RARB: variants seen among roughly 807,000 people sequenced by gnomAD.
The protein encoded by RARB is HBV-activated protein.
In RARB, 17 loss-of-function variants were observed where a neutral mutation model predicts 51.9. The ratio of observed to expected loss-of-function variants is 0.33; its 90% confidence interval spans 0.22 to 0.49. RARB has a LOEUF of 0.49. Among genes scored for constraint, RARB ranks in the 20% least tolerant of loss-of-function variants. The pLI is 0.99. For missense variants in RARB, 369 were observed against 550.8 expected (o/e 0.67, Z 3.30); for synonymous variants, 215 against 195.4 (o/e 1.10, Z -0.84).
chr3:25,077,475 C>T (rs1298966039), intron 3 of RARB, among the ~76,000 whole-genome samples: 1 of 152,070 alleles, frequency 6.6e-6, no homozygotes, highest in Non-Finnish European at 1.5e-5. Flanking sequence ...GTATCTATCG[C>T]AGTATAATAT....
chr3:24,838,902 C>T (rs965632486), intron 1 of RARB, among the ~76,000 whole-genome samples: 3 of 147,622 alleles, frequency 2.0e-5, no homozygotes, highest in Non-Finnish European at 4.4e-5. Flanking sequence ...TTATGTGACT[C>T]TGGAAATCTG....
At chr3:25,092,396 T>C (rs988759329) in intron 3 of RARB, among the ~76,000 whole-genome samples, 18 of 152,156 alleles carry the variant, frequency 1.2e-4, no homozygotes, top group African/African-American at 3.9e-4. Flanking sequence ...CCTCTTTCCA[T>C]ATAAAGTGTC....
intron 5 of RARB, among the ~76,000 whole-genome samples, chr3:25,409,762 C>G (rs972791213): frequency 6.6e-6 from 1 of 152,164 alleles, no homozygotes; most frequent in Non-Finnish European, 1.5e-5. Flanking sequence ...CTGAGCAACT[C>G]TCCACATTTC....
chr3:25,033,262 G>T (rs6809288), intron 2 of RARB, among the ~76,000 whole-genome samples: 2,885 of 152,288 alleles, frequency 0.019, 96 homozygotes, highest in African/African-American at 0.065. Flanking sequence ...TTACAAGCAA[G>T]TGGAGCAAAG....
chr3:25,112,937 CT>C (rs1699627256), intron 3 of RARB, among the ~76,000 whole-genome samples: 1 of 152,046 alleles, frequency 6.6e-6, no homozygotes. Flanking sequence ...TAAATTTTTT[CT>C]GAATTTTCGG....
chr3:25,507,910 G>A (rs1037246702), intron 3 of RARB, among the ~76,000 whole-genome samples: 1 of 152,142 alleles, frequency 6.6e-6, no homozygotes, highest in South Asian at 2.1e-4. Flanking sequence ...CCCTGTGTCT[G>A]TAACAGAAAC....
At chr3:25,374,251 C>CA (rs377297772) in intron 5 of RARB, among the ~76,000 whole-genome samples, 38 of 152,016 alleles carry the variant, frequency 2.5e-4, no homozygotes, top group Non-Finnish European at 4.3e-4. Context: ...CAGGAAAGAG[C>CA]AAAAAACAGA....
chr3:25,153,893 C>A (rs890143955), intron 4 of RARB, among the ~76,000 whole-genome samples: 5 of 152,158 alleles, frequency 3.3e-5, no homozygotes, highest in African/African-American at 1.2e-4. Context: ...TCAATGAGGG[C>A]CAATTAAAGA....
chr3:25,319,021 T>C (rs976868118), intron 5 of RARB, among the ~76,000 whole-genome samples: 1 of 152,196 alleles, frequency 6.6e-6, no homozygotes, highest in East Asian at 1.9e-4. Flanking sequence ...AGACGTAATT[T>C]AGCTGTTAAT....
intron 2 of RARB, among the ~76,000 whole-genome samples, chr3:25,028,491 T>TAA (rs1559439617): frequency 2.0e-5 from 3 of 152,080 alleles, no homozygotes; most frequent in Non-Finnish European, 4.4e-5. Context: ...TCGTTGCCAA[T>TAA]ATGTAGTTTC....
At chr3:25,534,945 A>T (rs1228959433) in intron 3 of RARB, among the ~76,000 whole-genome samples, 1 of 152,218 alleles carries the variant, frequency 6.6e-6, no homozygotes, top group African/African-American at 2.4e-5. Flanking sequence ...CATATTCTGT[A>T]TGCTTGCCAG....
At chr3:25,514,290 G>C (rs1698049117) in intron 3 of RARB, among the ~76,000 whole-genome samples, 2 of 152,140 alleles carry the variant, frequency 1.3e-5, no homozygotes, top group Non-Finnish European at 2.9e-5. Flanking sequence ...TAACTGTCAT[G>C]GTTAGGTTAT....
At chr3:25,005,393 C>T (rs779379327) in intron 2 of RARB, among the ~76,000 whole-genome samples, 1 of 152,136 alleles carries the variant, frequency 6.6e-6, no homozygotes, top group Non-Finnish European at 1.5e-5. Flanking sequence ...GACAAGCTGT[C>T]AGCTAGGACT....
At chr3:24,969,463 A>T (rs1012933020) in intron 2 of RARB, among the ~76,000 whole-genome samples, 1 of 152,110 alleles carries the variant, frequency 6.6e-6, no homozygotes, top group African/African-American at 2.4e-5. Flanking sequence ...CAAGAGCCAC[A>T]AATCTCTCTA....
At position 25,075,785 on chromosome 3, in the gene RARB, A is replaced by C. The variant is rs1698859674; in HGVS notation, c.-328+15609A>C. Among the ~76,000 whole-genome samples, 3 of 152,180 alleles carry C rather than the reference A, an allele frequency of 2.0e-5. 1 individual carries two copies. In the South Asian group the frequency reaches 6.2e-4, roughly 32 times the overall value. Reference sequence around the variant, plus strand: ...TGGAGTTACTTGGCAGAGAAGAGAAAGTATGGATTTGGGAGCTTTCTGTAA... The same window carrying C: ...TGGAGTTACTTGGCAGAGAAGAGAACGTATGGATTTGGGAGCTTTCTGTAA... On this transcript the variant is annotated intron_variant, in intron 3 of 11. Transcript: ENST00000383772.
At chr3:25,071,770 C>T (rs1698771544) in intron 3 of RARB, among the ~76,000 whole-genome samples, 2 of 152,138 alleles carry the variant, frequency 1.3e-5, no homozygotes, top group South Asian at 4.1e-4. Flanking sequence ...CTTAAATTGA[C>T]CTTTCAGCCC....
chr3:25,484,385 G>A (rs1696368405), intron 2 of RARB, among the ~76,000 whole-genome samples: 1 of 152,110 alleles, frequency 6.6e-6, no homozygotes, highest in South Asian at 2.1e-4. Context: ...TAATTAGGGT[G>A]TATGTGTACG....
intron 5 of RARB, among the ~76,000 whole-genome samples, chr3:25,404,125 G>A (rs1707341148): frequency 1.3e-5 from 2 of 152,160 alleles, no homozygotes; most frequent in Admixed American, 1.3e-4. Context: ...GAGGAAAGCA[G>A]GGAGGAGTGA....
intron 2 of RARB, among the ~76,000 whole-genome samples, chr3:25,467,176 T>C (rs1363291971): frequency 6.6e-6 from 1 of 152,246 alleles, no homozygotes; most frequent in East Asian, 1.9e-4. Flanking sequence ...TTGAGCTACG[T>C]CCAGAAATAC....
Sources: allele counts gnomAD v4.1 joint callset (sites outside exome capture counted in the v4.1 genomes callset), GRCh38; gene constraint gnomAD v4.1.1; transcripts MANE v1.5; gene names NCBI Gene and HGNC (gene_info 2026-07-23, HGNC 2026-07-21).